Variants in GPHN observed in about 807,000 individuals in gnomAD.
GPHN encodes gephyrin.
A neutral mutation model predicts 95.5 loss-of-function variants in GPHN; 17 were observed. The observed-to-expected ratio is 0.18, with a 90% CI of 0.12 to 0.27. The LOEUF is 0.27. Ranked by LOEUF, GPHN falls within the 10% of genes least tolerant of loss-of-function variation. The probability of loss-of-function intolerance (pLI) is 1.00; values close to 1 mark genes in which losing one functional copy is unlikely to be tolerated. For synonymous variants in GPHN, 320 were observed against 322.5 expected, an observed-to-expected ratio of 0.99 and a Z score of 0.08; for missense variants, 660 against 978.1, an observed-to-expected ratio of 0.67 and a Z score of 4.34.
chr14:67,120,125 C>CAAA (rs1393148851), intron 16 of GPHN, among the ~76,000 whole-genome samples: 8 of 76,222 alleles, frequency 1.0e-4, no homozygotes, highest in South Asian at 7.6e-4. Flanking sequence ...GACTCCATCT[C>CAAA]AAAAAAAAAA....
At chr14:67,653,345 G>A in the GPHN span, 1 of 1,091,114 alleles carries the variant, frequency 9.2e-7, no homozygotes, top group Non-Finnish European at 1.4e-6. Context: ...CTGCTGAGGT[G>A]CTTTATGAGG....
intron 13 of GPHN, among the ~76,000 whole-genome samples, chr14:67,108,714 TG>T (rs1279799297): frequency 8.4e-6 from 1 of 119,538 alleles, no homozygotes. Flanking sequence ...CCCTAAGGGG[TG>T]TGTGTGTGTG....
At chr14:66,782,292 A>C (rs1303075874) in intron 3 of GPHN, among the ~76,000 whole-genome samples, 2 of 152,082 alleles carry the variant, frequency 1.3e-5, no homozygotes, top group Non-Finnish European at 2.9e-5. Flanking sequence ...TTTTCTCAGC[A>C]CTGTATGGTT....
chr14:66,916,732 C>G (rs1375352084), intron 6 of GPHN, among the ~76,000 whole-genome samples: 2 of 152,168 alleles, frequency 1.3e-5, no homozygotes, highest in African/African-American at 4.8e-5. Context: ...ACATGACATT[C>G]TGAACATCTA....
chr14:67,331,818 C>T, the GPHN span, among the ~76,000 whole-genome samples: 12 of 152,150 alleles, frequency 7.9e-5, no homozygotes, highest in South Asian at 2.1e-4. Flanking sequence ...CTTGAGCTTA[C>T]GGTAGACATA....
chr14:66,702,630 G>A lies in GPHN; in HGVS notation c.143+21445G>A, dbSNP rs557461677. On this transcript the variant is annotated intron_variant, in intron 2 of 22. Transcript: ENST00000478722. ...GCATCGACAACAACAACAAAAAGCC[G>A]TCATGAAAACCCCATCCAAGGGTCA... Among the ~76,000 whole-genome samples, 21 of 152,188 alleles carry A rather than the reference G, an allele frequency of 1.4e-4. No individual in the cohort carries two copies. In the South Asian group the frequency reaches 1.7e-3, roughly 12 times the overall value.
the GPHN span, among the ~76,000 whole-genome samples, chr14:67,599,231 C>T: frequency 6.6e-6 from 1 of 152,180 alleles, no homozygotes; most frequent in Non-Finnish European, 1.5e-5. Flanking sequence ...TCAATTCAGG[C>T]ACTACATATG....
chr14:67,601,447 C>CT, the GPHN span, among the ~76,000 whole-genome samples: 1 of 152,168 alleles, frequency 6.6e-6, no homozygotes, highest in Non-Finnish European at 1.5e-5. Flanking sequence ...CAAATGACTG[C>CT]TTGGACCGTG....
At chr14:67,258,328 A>T in the GPHN span, among the ~76,000 whole-genome samples, 1 of 152,134 alleles carries the variant, frequency 6.6e-6, no homozygotes, top group Non-Finnish European at 1.5e-5. Context: ...TGAGCTCAGG[A>T]GTTCGAGACT....
chr14:66,875,850 A>G (rs569079710), intron 4 of GPHN, among the ~76,000 whole-genome samples: 414 of 152,280 alleles, frequency 2.7e-3, no homozygotes, highest in African/African-American at 9.4e-3. Context: ...TCAACGAGAC[A>G]GAAAATTAAC....
the GPHN span, among the ~76,000 whole-genome samples, chr14:67,612,756 G>A: frequency 6.6e-6 from 1 of 152,056 alleles, no homozygotes; most frequent in African/African-American, 2.4e-5. Context: ...GGCCAATGTG[G>A]TGAGACCCTC....
the GPHN span, chr14:67,580,885 C>A: frequency 8.5e-7 from 1 of 1,170,546 alleles, no homozygotes; most frequent in Non-Finnish European, 1.3e-6. Context: ...GGACCTTGAT[C>A]CCTTCTCTCC....
chr14:66,639,793 A>G (rs2064294063), intron 1 of GPHN, among the ~76,000 whole-genome samples: 1 of 152,200 alleles, frequency 6.6e-6, no homozygotes. Context: ...TAAAATTTAT[A>G]TATCTAAATT....
intron 7 of GPHN, among the ~76,000 whole-genome samples, 188 bp downstream of exon 7, chr14:66,923,126 A>T (rs1056534546): frequency 6.6e-6 from 1 of 152,178 alleles, no homozygotes; most frequent in Admixed American, 6.5e-5. Flanking sequence ...GAAGTCACTG[A>T]AGTTAATTCT....
chr14:67,219,097 G>A, the GPHN span, among the ~76,000 whole-genome samples: 3 of 152,040 alleles, frequency 2.0e-5, no homozygotes, highest in Non-Finnish European at 4.4e-5. Flanking sequence ...GCTCACAGGT[G>A]GTGATTGGGG....
the GPHN span, among the ~76,000 whole-genome samples, chr14:67,361,495 A>G: frequency 6.6e-6 from 1 of 152,266 alleles, no homozygotes. Flanking sequence ...ACTAGCATTC[A>G]GAGAGCATTC....
intron 10 of GPHN, among the ~76,000 whole-genome samples, chr14:67,035,985 A>T (rs577300275): frequency 1.3e-5 from 2 of 151,988 alleles, no homozygotes; most frequent in South Asian, 4.1e-4. Flanking sequence ...TGATGCAAAA[A>T]TCCTCAACAA....
chr14:66,756,633 ATC>A (rs2058566209), intron 2 of GPHN, among the ~76,000 whole-genome samples: 3 of 152,190 alleles, frequency 2.0e-5, no homozygotes, highest in Admixed American at 1.3e-4. Flanking sequence ...CTGGACTTGA[ATC>A]ATTTGTTTTT....
intron 9 of GPHN, among the ~76,000 whole-genome samples, chr14:67,001,565 CTCTT>C (rs2072231935): frequency 6.6e-6 from 1 of 151,584 alleles, no homozygotes; most frequent in Non-Finnish European, 1.5e-5. Context: ...TTATCTTTTA[CTCTT>C]TCTTGTTTTT....
Sources: allele counts gnomAD v4.1 joint callset (sites outside exome capture counted in the v4.1 genomes callset), GRCh38; gene constraint gnomAD v4.1.1; transcripts MANE v1.5; gene names NCBI Gene and HGNC (gene_info 2026-07-23, HGNC 2026-07-21).